RIPOR2: variants seen among roughly 807,000 people sequenced by gnomAD.
RIPOR2 encodes the protein RHO family interacting cell polarization regulator 2.
RIPOR2 carries 39 observed loss-of-function variants against 114.5 expected under a neutral mutation model. The ratio of observed to expected loss-of-function variants is 0.34; its 90% CI spans 0.26 to 0.44. The LOEUF is 0.44. Ranked by LOEUF, RIPOR2 falls within the 20% of genes least tolerant of loss-of-function variation. The pLI is 1.00. For synonymous variants in RIPOR2, 445 were observed against 484.4 expected (o/e 0.92, Z 1.07); for missense variants, 1,007 against 1,255.1 (o/e 0.80, Z 2.99).
At chr6:24,882,833 A>G (rs1409326025) in intron 1 of RIPOR2, among the ~76,000 whole-genome samples, 1 of 152,238 alleles carries the variant, frequency 6.6e-6, no homozygotes, top group Non-Finnish European at 1.5e-5. Flanking sequence ...CTATCTTTAA[A>G]AGGATACTCA....
chr6:24,863,615 G>C (rs2113842483), intron 7 of RIPOR2, among the ~76,000 whole-genome samples: 1 of 152,308 alleles, frequency 6.6e-6, no homozygotes, highest in South Asian at 2.1e-4. Flanking sequence ...ATGGGGGAGG[G>C]TGGGAAGAGT....
intron 1 of RIPOR2, among the ~76,000 whole-genome samples, chr6:24,914,574 A>G (rs1360786986): frequency 6.6e-6 from 1 of 152,218 alleles, no homozygotes; most frequent in African/African-American, 2.4e-5. Flanking sequence ...ATTATTTTTT[A>G]TACCATAAAA....
chr6:24,977,997 G>T (rs1774143133), intron 1 of RIPOR2, among the ~76,000 whole-genome samples: 1 of 152,202 alleles, frequency 6.6e-6, no homozygotes, highest in Non-Finnish European at 1.5e-5. Context: ...GGAAGGAAAA[G>T]CAGCATTCAG....
intron 1 of RIPOR2, chr6:24,877,304 C>G: frequency 1.0e-6 from 1 of 985,102 alleles, no homozygotes; most frequent in Non-Finnish European, 1.2e-6. Flanking sequence ...TTTAAATCCC[C>G]TCCCTCCCTC....
chr6:24,923,015 C>A (rs1169848528), intron 1 of RIPOR2, among the ~76,000 whole-genome samples: 2 of 152,128 alleles, frequency 1.3e-5, no homozygotes, highest in African/African-American at 4.8e-5. Flanking sequence ...AAACTCTATG[C>A]CCTTTAAAGC....
chr6:24,978,908 A>G (rs1336377189), intron 1 of RIPOR2, among the ~76,000 whole-genome samples: 1 of 152,226 alleles, frequency 6.6e-6, no homozygotes. Context: ...AGATGTGAAA[A>G]GGTCCCAGAA....
At chr6:24,992,573 G>A (rs1243873337) in intron 1 of RIPOR2, among the ~76,000 whole-genome samples, 1 of 152,050 alleles carries the variant, frequency 6.6e-6, no homozygotes, top group Non-Finnish European at 1.5e-5. Flanking sequence ...AATCAGAGAA[G>A]ACACAAATAG....
At chr6:24,875,839 A>C in intron 1 of RIPOR2, 22 bp from the exon 2 acceptor site, 1 of 1,582,350 alleles carries the variant, frequency 6.3e-7, no homozygotes, top group Non-Finnish European at 8.6e-7. Context: ...TGGAAAGATC[A>C]TGACAATTTA....
intron 1 of RIPOR2, among the ~76,000 whole-genome samples, chr6:24,961,868 C>T (rs541748845): frequency 2.3e-4 from 35 of 152,294 alleles, no homozygotes; most frequent in Admixed American, 2.2e-3. Context: ...CTCAGGTAAT[C>T]TGCCCGTCTT....
intron 1 of RIPOR2, among the ~76,000 whole-genome samples, chr6:24,986,146 T>C (rs1244322390): frequency 2.0e-5 from 3 of 152,218 alleles, no homozygotes; most frequent in African/African-American, 7.2e-5. Context: ...TACTGGGCCC[T>C]GTTTTAAGGC....
At chr6:24,906,203 T>C (rs1006700821) in intron 1 of RIPOR2, among the ~76,000 whole-genome samples, 1 of 152,128 alleles carries the variant, frequency 6.6e-6, no homozygotes, top group Non-Finnish European at 1.5e-5. Flanking sequence ...GTCTAGATCT[T>C]AAATCTAGGT....
At chr6:24,993,741 G>A (rs907411456) in intron 1 of RIPOR2, among the ~76,000 whole-genome samples, 2 of 152,220 alleles carry the variant, frequency 1.3e-5, no homozygotes, top group African/African-American at 4.8e-5. Context: ...TTTGCTTGTT[G>A]TAAATAAAGT....
intron 8 of RIPOR2, 73 bp downstream of exon 8, chr6:24,860,900 G>A (rs771440362): frequency 9.9e-6 from 9 of 912,286 alleles, no homozygotes; most frequent in Admixed American, 2.5e-5. Context: ...AATAGCATGG[G>A]CTCTCAAACT....
chr6:24,903,400 T>C (rs1768664366), intron 1 of RIPOR2, among the ~76,000 whole-genome samples: 1 of 152,114 alleles, frequency 6.6e-6, no homozygotes, highest in South Asian at 2.1e-4. Flanking sequence ...AGTCACTTTA[T>C]TGAAAGATCA....
At chr6:24,966,650 T>C (rs1773542131) in intron 1 of RIPOR2, among the ~76,000 whole-genome samples, 1 of 152,150 alleles carries the variant, frequency 6.6e-6, no homozygotes, top group Non-Finnish European at 1.5e-5. Context: ...TGTGGGAGGC[T>C]CATCCTTGTG....
intron 1 of RIPOR2, among the ~76,000 whole-genome samples, chr6:24,966,618 T>C (rs1773540354): frequency 6.6e-6 from 1 of 152,164 alleles, no homozygotes; most frequent in East Asian, 1.9e-4. Flanking sequence ...TTCCAACAAT[T>C]ATGCATGATG....
intron 1 of RIPOR2, among the ~76,000 whole-genome samples, chr6:25,006,370 T>C (rs535341762): frequency 6.6e-6 from 1 of 152,354 alleles, no homozygotes; most frequent in Non-Finnish European, 1.5e-5. Flanking sequence ...ATGATTCTTA[T>C]AGTCTACAGG....
At chr6:24,968,618 T>C (rs563660185) in intron 1 of RIPOR2, among the ~76,000 whole-genome samples, 21 of 152,244 alleles carry the variant, frequency 1.4e-4, no homozygotes, top group African/African-American at 5.1e-4. Context: ...TGGCATCTAA[T>C]AGGTAGAGGC....
chr6:24,877,999 T>A (rs1184895041), intron 1 of RIPOR2, among the ~76,000 whole-genome samples: 1 of 151,814 alleles, frequency 6.6e-6, no homozygotes, highest in East Asian at 1.9e-4. Context: ...CTGGGATGAG[T>A]CAGGATGAAG....
Sources: gnomAD v4.1 joint callset for allele counts (sites outside exome capture counted in the v4.1 genomes callset) on GRCh38, gnomAD v4.1.1 for gene constraint, MANE v1.5 for transcripts, NCBI Gene and HGNC (gene_info 2026-07-23, HGNC 2026-07-21) for gene names.